Variants in ACSL5 observed in about 807,000 individuals in gnomAD.
ACSL5 encodes acyl-CoA synthetase long chain family member 5.
A neutral mutation model predicts 84.9 loss-of-function variants in ACSL5; 50 were observed. That is an observed-to-expected ratio of 0.59 (90% CI 0.47 to 0.75). The LOEUF (loss-of-function observed/expected upper bound fraction) is 0.75, where lower values mean the gene tolerates loss of function less well. Among genes scored for constraint, ACSL5 ranks in the 30% least tolerant of loss-of-function variants. The pLI, the probability that ACSL5 is intolerant of heterozygous loss-of-function variation, is 0.00. For missense variants in ACSL5, 775 were observed against 830.4 expected (o/e 0.93, Z 0.82); for synonymous variants, 280 against 300.7 (o/e 0.93, Z 0.71).
chr10:112,417,756 C>A, intron 13 of ACSL5, 90 bp from the exon 14 acceptor site: 2 of 962,882 alleles, frequency 2.1e-6, no homozygotes, highest in Non-Finnish European at 3.4e-6. Flanking sequence ...CTCATAACAA[C>A]GCTGCACAGG....
At chr10:112,424,887 C>T (rs1349849775) in intron 17 of ACSL5, 1 of 153,020 alleles carries the variant, frequency 6.5e-6, no homozygotes, top group East Asian at 1.9e-4. Context: ...CTGTTTGAGC[C>T]TGCTCCCGGA....
intron 7 of ACSL5, chr10:112,410,246 T>C: frequency 6.6e-7 from 1 of 1,526,528 alleles, no homozygotes. Flanking sequence ...ACATGCAATC[T>C]ACCCTCTATA....
chr10:112,423,603 A>G (rs1366230912), intron 17 of ACSL5, among the ~76,000 whole-genome samples: 1 of 152,050 alleles, frequency 6.6e-6, no homozygotes, highest in Admixed American at 6.6e-5. Flanking sequence ...CGAATATACA[A>G]CCAGCAAGCA....
rs984759258 is a variant in ACSL5, at chr10:112,375,347, G to A, written c.-30+1078G>A. On this transcript the variant is annotated intron_variant, in intron 1 of 20. Transcript: ENST00000354655. Reference sequence around the variant, plus strand: ...CATGTCCAAAGGCGGCTCCCCAGAGGCCAAGGGCTCAGCTCTTGTGTTCTC... The same window carrying A: ...CATGTCCAAAGGCGGCTCCCCAGAGACCAAGGGCTCAGCTCTTGTGTTCTC... 2.0e-5 allele frequency: 3 copies of A among 151,320 alleles called. No homozygotes were observed. In the Admixed American group the frequency reaches 2.0e-4, roughly 10 times the overall value. 9.4% of individuals were successfully genotyped at this position (151,320 alleles called of 1,614,324 possible).
At chr10:112,422,566 T>C in intron 17 of ACSL5, 125 bp downstream of exon 17, 1 of 847,574 alleles carries the variant, frequency 1.2e-6, no homozygotes, top group African/African-American at 1.7e-5. Context: ...GGGATTAGGT[T>C]TGTACCCTAC....
chr10:112,415,172 A>G (rs540726233), intron 12 of ACSL5, among the ~76,000 whole-genome samples: 5 of 152,076 alleles, frequency 3.3e-5, no homozygotes, highest in African/African-American at 1.2e-4. Flanking sequence ...CCTAATACAC[A>G]GTTCACTTCT....
intron 3 of ACSL5, among the ~76,000 whole-genome samples, chr10:112,401,245 C>T (rs931007675): frequency 6.6e-6 from 1 of 152,088 alleles, no homozygotes; most frequent in Non-Finnish European, 1.5e-5. Flanking sequence ...AATGACACTT[C>T]TGGTCCTATC....
chr10:112,406,326 A>G (rs918113864), intron 5 of ACSL5: 4 of 152,154 alleles, frequency 2.6e-5, no homozygotes, highest in Non-Finnish European at 5.9e-5. Flanking sequence ...CTCTGTGCAC[A>G]TGTATCCCTC....
At chr10:112,386,061 A>G (rs1849445166) in intron 1 of ACSL5, among the ~76,000 whole-genome samples, 1 of 152,124 alleles carries the variant, frequency 6.6e-6, no homozygotes, top group African/African-American at 2.4e-5. Flanking sequence ...AAGTGAAAAA[A>G]TACCTATTTT....
In ACSL5 at chr10:112,422,370, C is replaced by T. The variant is rs1464798847; in HGVS notation, c.1522C>T (p.Pro508Ser). Reference sequence around the variant, plus strand: ...CGTGTTCAAAGGATACCTGAAGGACCCTGAGAAGACACAGGAAGCCCTGGA... The same window carrying T: ...CGTGTTCAAAGGATACCTGAAGGACTCTGAGAAGACACAGGAAGCCCTGGA... The part of the protein sequence containing the change: ...TNVFKGYLKD[P>S]EKTQEALDSD... Residue 508 changes from proline to serine, a missense_variant, in exon 17 of 21, where the codon CCT becomes TCT. Pro to Ser is a moderately conservative substitution (Grantham distance 74). Coordinates refer to ENST00000354655, the MANE Select transcript of ACSL5 (RefSeq NM_203379.2). 3.1e-6 allele frequency: 5 copies of T among 1,614,100 alleles called. No homozygotes were observed. The East Asian group carries it at 6.7e-5, about 22-fold the overall frequency.
chr10:112,422,801 A>G (rs1198134022), intron 17 of ACSL5, among the ~76,000 whole-genome samples: 5 of 150,474 alleles, frequency 3.3e-5, no homozygotes, highest in Middle Eastern at 3.4e-3. Context: ...GGTTGCAGTG[A>G]GCCAAGATTG....
At position 112,426,312 on chromosome 10, in the gene ACSL5, G is replaced by A. The variant is rs1346578793; in HGVS notation, c.1792G>A (p.Ala598Thr). The A allele has an allele frequency of 1.9e-6, 3 of 1,614,092 alleles. No individual in the cohort carries two copies. Among genetic ancestry groups the A allele is most frequent in the Non-Finnish European group, 2.5e-6 (3 of 1,180,000 alleles). ...PDTDVLPSFA[A>T]KLGVKGSFEE... ...CACAGATGTACTTCCCTCATTTGCA[G>A]CCAAGCTTGGGGTGAAGGGCTCCTT... The change falls in exon 19 of 21, where the codon GCC becomes ACC. Residue 598 changes from alanine (A) to threonine (T), a missense_variant. Physicochemically the swap from Ala to Thr is moderately conservative, Grantham distance 58. Transcript: ENST00000354655.
intron 12 of ACSL5, among the ~76,000 whole-genome samples, chr10:112,414,874 G>A (rs1031351258): frequency 4.6e-5 from 7 of 152,230 alleles, no homozygotes; most frequent in South Asian, 4.1e-4. Flanking sequence ...GCTGGGATCC[G>A]TGAGGAAGTA....
rs142780753 is a variant in ACSL5 at position 112,404,783 on chromosome 10, A to G, written c.409A>G (p.Ile137Val). The G allele has an allele frequency of 4.2e-5, 68 of 1,613,906 alleles. No homozygotes were observed. In the African/African-American group the frequency reaches 8.5e-4, roughly 20 times the overall value. Residue 137 changes from isoleucine (I) to valine (V), a missense_variant, in exon 5 of 21, where the codon ATC becomes GTC. Transcript: ENST00000354655. ...ATCATCACCAGACCAGTTTGTCGGCATCTTTGCTCAGAATAGGCCAGAGGT... is the reference window on the plus strand; with the variant it reads ...ATCATCACCAGACCAGTTTGTCGGCGTCTTTGCTCAGAATAGGCCAGAGGT... ...YKSSPDQFVG[I>V]FAQNRPEWII...
At chr10:112,400,703 G>A (rs945500349) in intron 3 of ACSL5, among the ~76,000 whole-genome samples, 5 of 151,784 alleles carry the variant, frequency 3.3e-5, no homozygotes, top group African/African-American at 4.8e-5. Flanking sequence ...CACCATGCCC[G>A]GCCTACACCT....
rs1188049832 is a variant in ACSL5, at chr10:112,398,041, C to CTTTT, written c.157-821_157-818dup. ...TGGGTGGGATTACAGATCCACTTTT[C>CTTTT]TTTTTTTTTTTTTTTTTTTTTTTTT... On this transcript the variant is annotated intron_variant, in intron 2 of 20. Coordinates refer to ENST00000354655, the MANE Select transcript of ACSL5 (RefSeq NM_203379.2). Among the ~76,000 whole-genome samples the CTTTT allele has an allele frequency of 1.8e-3, 10 of 5,460 alleles. 5 individuals are homozygous for CTTTT. Among genetic ancestry groups the CTTTT allele is most frequent in the South Asian group, 0.037 (2 of 54 alleles). The allele number at this position is 5,460 out of a possible 152,430, so 3.6% of individuals were successfully genotyped here.
intron 14 of ACSL5, among the ~76,000 whole-genome samples, chr10:112,421,093 A>G (rs558514600): frequency 6.6e-6 from 1 of 152,218 alleles, no homozygotes; most frequent in Non-Finnish European, 1.5e-5. Flanking sequence ...CTGAATGGCC[A>G]GAAGGCTTGG....
At chr10:112,408,314 A>G (rs76161402) in intron 5 of ACSL5, 108 bp from the exon 6 acceptor site, 1 of 717,042 alleles carries the variant, frequency 1.4e-6, no homozygotes, top group Non-Finnish European at 2.4e-6. Context: ...AAAAAAAAAA[A>G]GCAAAACAAA....
intron 1 of ACSL5, among the ~76,000 whole-genome samples, chr10:112,385,430 A>G (rs1849430189): frequency 6.6e-6 from 1 of 152,196 alleles, no homozygotes; most frequent in Admixed American, 6.5e-5. Flanking sequence ...ACATTTTATG[A>G]TGTGTAGAGG....
Sources: gnomAD v4.1 joint callset for allele counts (sites outside exome capture counted in the v4.1 genomes callset) on GRCh38, gnomAD v4.1.1 for gene constraint, MANE v1.5 for transcripts, NCBI Gene and HGNC (gene_info 2026-07-23, HGNC 2026-07-21) for gene names.